Variants in TGFA observed in about 807,000 individuals in gnomAD.
TGFA encodes the protein transforming growth factor alpha.
In TGFA, 12 loss-of-function variants were observed where a neutral mutation model predicts 21.7. That is an observed-to-expected ratio of 0.55 (90% confidence interval 0.35 to 0.90). The LOEUF is 0.90. Among genes scored for constraint, TGFA ranks in the 40% least tolerant of loss-of-function variants. The pLI is 0.01. For missense variants in TGFA, 178 were observed against 210.8 expected, an observed-to-expected ratio of 0.84 and a Z score of 0.96; for synonymous variants, 79 against 88.1, an observed-to-expected ratio of 0.90 and a Z score of 0.58.
At chr2:70,472,844 A>G (rs1670799385) in intron 2 of TGFA, among the ~76,000 whole-genome samples, 1 of 152,236 alleles carries the variant, frequency 6.6e-6, no homozygotes, top group South Asian at 2.1e-4. Context: ...TAACTTCCTC[A>G]GATATCATGG....
chr2:70,534,082 A>G (rs1204086213), intron 1 of TGFA, among the ~76,000 whole-genome samples: 3 of 152,200 alleles, frequency 2.0e-5, no homozygotes, highest in East Asian at 1.9e-4. Context: ...TGAAGTGTCC[A>G]CTATTCGGAG....
At chr2:70,489,026 A>G (rs1671348363) in intron 2 of TGFA, among the ~76,000 whole-genome samples, 1 of 152,202 alleles carries the variant, frequency 6.6e-6, no homozygotes, top group Admixed American at 6.5e-5. Flanking sequence ...GGCTGGAAAG[A>G]TGGCACAAAA....
chr2:70,510,295 A>G (rs142601982), intron 2 of TGFA, among the ~76,000 whole-genome samples: 97 of 152,322 alleles, frequency 6.4e-4, no homozygotes, highest in East Asian at 3.7e-3. Flanking sequence ...AAGAAAATCA[A>G]ATACGTGTCA....
intron 2 of TGFA, among the ~76,000 whole-genome samples, chr2:70,474,969 CGTGTGTGTGTGT>C (rs57147767): frequency 1.2e-4 from 17 of 147,692 alleles, no homozygotes; most frequent in African/African-American, 2.3e-4. Flanking sequence ...ACACAGCAGC[CGTGTGTGTGTGT>C]GTGTGTGTGT....
At chr2:70,488,682 C>T (rs576651643) in intron 2 of TGFA, among the ~76,000 whole-genome samples, 14 of 152,212 alleles carry the variant, frequency 9.2e-5, no homozygotes, top group African/African-American at 9.6e-5. Flanking sequence ...TCCAGGTGAC[C>T]GTTAGAATCA....
intron 1 of TGFA, among the ~76,000 whole-genome samples, chr2:70,531,948 A>G (rs1349478305): frequency 6.6e-6 from 1 of 152,210 alleles, no homozygotes; most frequent in African/African-American, 2.4e-5. Context: ...TCACATACTC[A>G]CACAAAATTA....
chr2:70,502,667 C>A (rs574392741), intron 2 of TGFA, among the ~76,000 whole-genome samples: 1 of 152,288 alleles, frequency 6.6e-6, no homozygotes, highest in African/African-American at 2.4e-5. Flanking sequence ...TTGAGTTATG[C>A]GATTGATCCT....
chr2:70,551,582 G>T (rs1361418712), intron 1 of TGFA, among the ~76,000 whole-genome samples: 2 of 152,190 alleles, frequency 1.3e-5, no homozygotes, highest in African/African-American at 4.8e-5. Flanking sequence ...TGAAGGAAAT[G>T]TGCAAAGTAA....
intron 1 of TGFA, among the ~76,000 whole-genome samples, chr2:70,518,183 C>G (rs1479299440): frequency 1.3e-5 from 2 of 152,242 alleles, no homozygotes; most frequent in African/African-American, 2.4e-5. Context: ...GCCGCAGGCC[C>G]TCGGGACAGG....
chr2:70,464,015 C>T (rs782638681), intron 3 of TGFA, among the ~76,000 whole-genome samples: 10 of 152,312 alleles, frequency 6.6e-5, no homozygotes, highest in Non-Finnish European at 1.2e-4. Context: ...GGAGGGTGGC[C>T]AGTGTGCCTC....
chr2:70,553,528 C>T, intron 1 of TGFA, 200 bp downstream of exon 1: 2 of 1,376,060 alleles, frequency 1.5e-6, no homozygotes, highest in Non-Finnish European at 1.9e-6. Context: ...CCCGGGGAAG[C>T]CTCGGCGCTC....
intron 1 of TGFA, among the ~76,000 whole-genome samples, chr2:70,542,682 A>C (rs527303607): frequency 3.3e-5 from 5 of 152,362 alleles, no homozygotes; most frequent in African/African-American, 1.2e-4. Flanking sequence ...GCTGCTCAGC[A>C]GCCTCAGCTA....
intron 2 of TGFA, among the ~76,000 whole-genome samples, chr2:70,470,127 G>C (rs1230461106): frequency 1.3e-5 from 2 of 151,930 alleles, no homozygotes; most frequent in African/African-American, 4.8e-5. Context: ...AGAGTAGAGA[G>C]AGACGGGGTG....
chr2:70,479,932 A>C (rs1456643193), intron 2 of TGFA, among the ~76,000 whole-genome samples: 1 of 152,218 alleles, frequency 6.6e-6, no homozygotes, highest in Non-Finnish European at 1.5e-5. Flanking sequence ...TTCTCATATG[A>C]TGAAATCCTT....
rs184949468 is a variant in TGFA, at chr2:70,524,718, C to T, written c.41-9806G>A. On this transcript the variant is annotated intron_variant, in intron 1 of 5. Coordinates refer to ENST00000295400, the MANE Select transcript of TGFA (RefSeq NM_003236.4). ...CCAGGAGGGAGGAAGAAGGGGATGG[C>T]GGCAGTGGGCTAGGGACAAAGCTGG... is the stretch of plus-strand genomic sequence containing the variant. Among the ~76,000 whole-genome samples, 636 of 152,264 alleles carry T rather than the reference C, an allele frequency of 4.2e-3. 6 individuals carry two copies. Among genetic ancestry groups the T allele is most frequent in the Middle Eastern group, 0.017 (5 of 294 alleles).
At chr2:70,514,454 A>C (rs1261146507) in intron 2 of TGFA, among the ~76,000 whole-genome samples, 1 of 151,856 alleles carries the variant, frequency 6.6e-6, no homozygotes, top group Non-Finnish European at 1.5e-5. Flanking sequence ...TAAGTATTAA[A>C]ACGTAAACCA....
At chr2:70,468,683 G>A (rs1282346764) in intron 2 of TGFA, among the ~76,000 whole-genome samples, 1 of 152,192 alleles carries the variant, frequency 6.6e-6, no homozygotes, top group African/African-American at 2.4e-5. Flanking sequence ...ATTGTGAACT[G>A]TGCATGTGAG....
chr2:70,498,894 G>T (rs1458003425), intron 2 of TGFA, among the ~76,000 whole-genome samples: 2 of 151,992 alleles, frequency 1.3e-5, no homozygotes, highest in African/African-American at 4.8e-5. Context: ...TACACTTGTG[G>T]TTTTCAACCC....
chr2:70,466,274 C>G (rs1044703257), intron 2 of TGFA, among the ~76,000 whole-genome samples: 1 of 152,126 alleles, frequency 6.6e-6, no homozygotes, highest in Admixed American at 6.5e-5. Flanking sequence ...TCTGGGAGGC[C>G]GAGGCAGACG....
Sources: gnomAD v4.1 joint callset for allele counts (sites outside exome capture counted in the v4.1 genomes callset) on GRCh38, gnomAD v4.1.1 for gene constraint, MANE v1.5 for transcripts, NCBI Gene and HGNC (gene_info 2026-07-23, HGNC 2026-07-21) for gene names.